The following OSBPL11 variants were observed in gnomAD, a reference collection of about 807,000 sequenced individuals.
OSBPL11 encodes oxysterol binding protein like 11, also known as oxysterol-binding protein-related protein 11.
Under a neutral mutation model 84.4 loss-of-function variants are expected in OSBPL11, and 33 were observed. The ratio of observed to expected loss-of-function variants is 0.39; its 90% CI spans 0.30 to 0.52. The LOEUF (loss-of-function observed/expected upper bound fraction) is 0.52, where lower values mean the gene tolerates loss of function less well. OSBPL11 is among the 20% of genes least tolerant of loss of function. The pLI is 0.72. For synonymous variants in OSBPL11, 276 were observed against 310.2 expected, an observed-to-expected ratio of 0.89 and a Z score of 1.16; for missense variants, 736 against 901.1, an observed-to-expected ratio of 0.82 and a Z score of 2.35.
At chr3:125,532,544 G>A (rs1318251107) in intron 11 of OSBPL11, among the ~76,000 whole-genome samples, 4 of 144,328 alleles carry the variant, frequency 2.8e-5, no homozygotes, top group East Asian at 2.0e-4. Context: ...TCTAGGCCAC[G>A]CACAGGGAGA....
chr3:125,584,547 T>A (rs1418945074), intron 1 of OSBPL11, among the ~76,000 whole-genome samples: 1 of 152,118 alleles, frequency 6.6e-6, no homozygotes, highest in Non-Finnish European at 1.5e-5. Flanking sequence ...TGGGAACTAC[T>A]CTTTAATCTA....
chr3:125,587,324 A>G (rs753362991), intron 1 of OSBPL11, among the ~76,000 whole-genome samples: 10 of 152,210 alleles, frequency 6.6e-5, no homozygotes, highest in Non-Finnish European at 1.2e-4. Context: ...ATCGCAGAGA[A>G]ATTTTGGATT....
chr3:125,540,307 C>T (rs888569299), intron 10 of OSBPL11, among the ~76,000 whole-genome samples: 21 of 125,226 alleles, frequency 1.7e-4, no homozygotes, highest in African/African-American at 2.2e-4. Context: ...CCAGCCTGGG[C>T]GACAGAGGAT....
intron 7 of OSBPL11, among the ~76,000 whole-genome samples, chr3:125,561,950 G>GC: frequency 6.6e-6 from 1 of 152,284 alleles, no homozygotes; most frequent in East Asian, 1.9e-4. Flanking sequence ...TCAGTGAATG[G>GC]CATATCCTGG....
Position 125,532,028 on chromosome 3 carries a change from A to C in OSBPL11, c.2025-14T>G. ...TTCCACAATCGCCTGAAATCCAAAAACCACACATTTTACAAGCATTCTTTA... is the reference window on the plus strand; with the variant it reads ...TTCCACAATCGCCTGAAATCCAAAACCCACACATTTTACAAGCATTCTTTA... On this transcript the variant is annotated splice_polypyrimidine_tract_variant and intron_variant, in intron 11 of 12. Coordinates refer to ENST00000296220, the MANE Select transcript of OSBPL11 (RefSeq NM_022776.5). The C allele has an allele frequency of 6.3e-7, 1 of 1,594,868 alleles. No homozygotes were observed. The highest frequency in any genetic ancestry group is 8.5e-7 in the Non-Finnish European group (1 of 1,174,114).
At chr3:125,571,489 G>A (rs1359890756) in intron 5 of OSBPL11, among the ~76,000 whole-genome samples, 3 of 152,132 alleles carry the variant, frequency 2.0e-5, no homozygotes, top group Non-Finnish European at 4.4e-5. Context: ...AGTCTTCATG[G>A]CAGACCCTCT....
intron 10 of OSBPL11, among the ~76,000 whole-genome samples, chr3:125,544,939 T>C (rs1349865207): frequency 1.3e-5 from 2 of 152,204 alleles, no homozygotes; most frequent in East Asian, 1.9e-4. Flanking sequence ...GTAAGAATAA[T>C]TGATAAATAA....
intron 12 of OSBPL11, 150 bp downstream of exon 12, chr3:125,531,711 G>A (rs1024204747): frequency 3.1e-6 from 2 of 645,342 alleles, no homozygotes; most frequent in Non-Finnish European, 2.4e-6. Context: ...AGGTTACCCA[G>A]GCTGGTCTCA....
chr3:125,566,555 C>T (rs1463481084), intron 6 of OSBPL11, among the ~76,000 whole-genome samples: 1 of 152,008 alleles, frequency 6.6e-6, no homozygotes, highest in African/African-American at 2.4e-5. Flanking sequence ...TTCTAAAATA[C>T]CTTTCTTTTA....
At chr3:125,548,410 CATA>C (rs1452918443) in intron 9 of OSBPL11, among the ~76,000 whole-genome samples, 11 of 151,908 alleles carry the variant, frequency 7.2e-5, no homozygotes, top group Admixed American at 7.2e-4. Flanking sequence ...AAACTATGGT[CATA>C]ATAATTTTGT....
At chr3:125,552,122 CAT>C (rs900952124) in intron 9 of OSBPL11, 57 bp downstream of exon 9, 51 of 911,340 alleles carry the variant, frequency 5.6e-5, no homozygotes, top group Middle Eastern at 3.3e-4. Flanking sequence ...AAAAAAAATA[CAT>C]ATATATATGT....
intron 8 of OSBPL11, among the ~76,000 whole-genome samples, chr3:125,558,013 C>T (rs978274452): frequency 6.6e-6 from 1 of 151,902 alleles, no homozygotes; most frequent in South Asian, 2.1e-4. Flanking sequence ...AGGCTGGTCT[C>T]GAACTCTTGA....
intron 7 of OSBPL11, among the ~76,000 whole-genome samples, chr3:125,561,252 C>T (rs1307381604): frequency 6.6e-6 from 1 of 152,232 alleles, no homozygotes; most frequent in Non-Finnish European, 1.5e-5. Context: ...CTTGCCTTGG[C>T]CTCCCAAAGT....
chr3:125,579,732 G>T, intron 3 of OSBPL11, 133 bp downstream of exon 3: 1 of 776,332 alleles, frequency 1.3e-6, no homozygotes, highest in Non-Finnish European at 2.1e-6. Flanking sequence ...GCAGTTCCAA[G>T]GTTCAGAATA....
chr3:125,578,589 T>C (rs923980820), intron 4 of OSBPL11, among the ~76,000 whole-genome samples: 1 of 152,036 alleles, frequency 6.6e-6, no homozygotes, highest in African/African-American at 2.4e-5. Flanking sequence ...CTTTTTTTAG[T>C]AAAGAAACCT....
At chr3:125,574,330 A>G (rs1162136554) in intron 5 of OSBPL11, among the ~76,000 whole-genome samples, 1 of 152,170 alleles carries the variant, frequency 6.6e-6, no homozygotes, top group African/African-American at 2.4e-5. Context: ...AAAATCATTA[A>G]ATTTACTACA....
At chr3:125,571,691 T>G (rs561297660) in intron 5 of OSBPL11, among the ~76,000 whole-genome samples, 1 of 152,204 alleles carries the variant, frequency 6.6e-6, no homozygotes, top group Non-Finnish European at 1.5e-5. Context: ...AGCTTCCATG[T>G]GGTGTTGAGC....
At chr3:125,539,031 T>G (rs1580034052) in intron 10 of OSBPL11, among the ~76,000 whole-genome samples, 2 of 151,966 alleles carry the variant, frequency 1.3e-5, no homozygotes, top group Admixed American at 1.3e-4. Flanking sequence ...TTAATTTTAC[T>G]TATCGAAATA....
chr3:125,549,027 C>CT (rs554723992), intron 9 of OSBPL11, among the ~76,000 whole-genome samples: 13,038 of 146,772 alleles, frequency 0.089, 1,088 homozygotes, highest in African/African-American at 0.23. Context: ...TATTTTAAGT[C>CT]TTTTTTTTTT....
Sources: gnomAD v4.1 joint callset for allele counts (sites outside exome capture counted in the v4.1 genomes callset) on GRCh38, gnomAD v4.1.1 for gene constraint, MANE v1.5 for transcripts, NCBI Gene and HGNC (gene_info 2026-07-23, HGNC 2026-07-21) for gene names.